CNTLN: variants seen among roughly 807,000 people sequenced by gnomAD.
The protein encoded by CNTLN is centlein, also known as centlein, centrosomal protein.
CNTLN carries 212 observed loss-of-function variants against 180.0 expected under a neutral mutation model. The ratio of observed to expected loss-of-function variants is 1.18; its 90% CI spans 1.05 to 1.32. The LOEUF is 1.32. Ranked by LOEUF, CNTLN falls within the 40% of genes most tolerant of loss-of-function variation. The probability of loss-of-function intolerance (pLI) is 0.00; values close to 1 mark genes in which losing one functional copy is unlikely to be tolerated. For missense variants in CNTLN, 2,095 were observed against 1,610.9 expected, an observed-to-expected ratio of 1.30 and a Z score of -5.14; for synonymous variants, 722 against 563.1, an observed-to-expected ratio of 1.28 and a Z score of -3.99.
intron 18 of CNTLN, among the ~76,000 whole-genome samples, chr9:17,431,106 T>C (rs1829393939): frequency 6.6e-6 from 1 of 152,118 alleles, no homozygotes; most frequent in Non-Finnish European, 1.5e-5. Context: ...GTTCTATTTC[T>C]GGTTTTTTTG....
chr9:17,141,301 A>G (rs957076226), intron 1 of CNTLN, among the ~76,000 whole-genome samples: 2 of 152,226 alleles, frequency 1.3e-5, no homozygotes, highest in Non-Finnish European at 1.5e-5. Flanking sequence ...AAAAATTGTA[A>G]CTGGAAAAGG....
At chr9:17,526,235 T>C in the CNTLN span, among the ~76,000 whole-genome samples, 3 of 152,154 alleles carry the variant, frequency 2.0e-5, no homozygotes, top group East Asian at 1.9e-4. Flanking sequence ...GTGCCCGGCC[T>C]GGACATTTTT....
chr9:17,167,642 T>C (rs1820164408), intron 2 of CNTLN: 1 of 152,172 alleles, frequency 6.6e-6, no homozygotes, highest in African/African-American at 2.4e-5. Flanking sequence ...CAATGAGGTA[T>C]AGCATGTGTA....
downstream of CNTLN, among the ~76,000 whole-genome samples, chr9:17,507,365 T>G (rs1365074233): frequency 6.6e-6 from 1 of 152,184 alleles, no homozygotes; most frequent in East Asian, 1.9e-4. Context: ...TGTATATATC[T>G]TCCACATTTT....
chr9:17,329,623 A>G (rs1563999039), intron 8 of CNTLN, among the ~76,000 whole-genome samples: 1 of 151,984 alleles, frequency 6.6e-6, no homozygotes, highest in Non-Finnish European at 1.5e-5. Flanking sequence ...TACAAATTGC[A>G]GGTTAGAATT....
At chr9:17,151,517 A>G (rs1382707807) in intron 2 of CNTLN, among the ~76,000 whole-genome samples, 1 of 152,212 alleles carries the variant, frequency 6.6e-6, no homozygotes, top group East Asian at 1.9e-4. Context: ...AGCCAACTTC[A>G]TCATGGTGGA....
At chr9:17,368,873 A>C (rs1229339190) in intron 13 of CNTLN, among the ~76,000 whole-genome samples, 1 of 152,188 alleles carries the variant, frequency 6.6e-6, no homozygotes, top group East Asian at 1.9e-4. Flanking sequence ...GGGCTGAATC[A>C]ATCCTACTGC....
chr9:17,137,576 G>C (rs1817806327), intron 1 of CNTLN, among the ~76,000 whole-genome samples: 1 of 152,094 alleles, frequency 6.6e-6, no homozygotes, highest in South Asian at 2.1e-4. Flanking sequence ...TGTGTGGGCT[G>C]ATATTTTTTC....
chr9:17,264,019 T>G lies in CNTLN; in HGVS notation c.850-9714T>G, dbSNP rs574189566. Among the ~76,000 whole-genome samples the G allele has an allele frequency of 5.1e-3, 751 of 146,274 alleles. 11 individuals carry two copies. The highest frequency in any genetic ancestry group is 7.7e-3 in the Admixed American group (113 of 14,770). On this transcript the variant is annotated intron_variant, in intron 5 of 25. Coordinates refer to ENST00000380647, the MANE Select transcript of CNTLN (RefSeq NM_017738.4). Reference sequence around the variant, plus strand: ...GCCTGTTCACTCTGATGATAGTTTCTTTTGCTGTGCAGAAGCTCTTTAGTT... The same window carrying G: ...GCCTGTTCACTCTGATGATAGTTTCGTTTGCTGTGCAGAAGCTCTTTAGTT...
chr9:17,358,194 T>G (rs572584476), intron 12 of CNTLN, among the ~76,000 whole-genome samples: 4 of 152,200 alleles, frequency 2.6e-5, no homozygotes, highest in African/African-American at 9.6e-5. Context: ...AGTTTGGTAA[T>G]AGTGAACAAT....
At chr9:17,212,021 C>T (rs1421836089) in intron 2 of CNTLN, among the ~76,000 whole-genome samples, 1 of 152,152 alleles carries the variant, frequency 6.6e-6, no homozygotes, top group African/African-American at 2.4e-5. Context: ...TTGACTTCCT[C>T]TTTTCCTAAT....
chr9:17,265,520 C>G (rs111356520), intron 5 of CNTLN, among the ~76,000 whole-genome samples: 16 of 152,184 alleles, frequency 1.1e-4, no homozygotes, highest in African/African-American at 3.1e-4. Context: ...TGTTGTGTCT[C>G]TGCCAGGCTT....
rs76260978 is a variant in CNTLN, at chr9:17,292,759, C to T, written c.984-5431C>T. 8.5e-5 allele frequency among the ~76,000 whole-genome samples: 13 copies of T among 152,246 alleles called. No individual in the cohort carries two copies. In the East Asian group the frequency reaches 2.5e-3, roughly 29 times the overall value. On this transcript the variant is annotated intron_variant, in intron 6 of 25. Transcript: ENST00000380647. ...TGGGTTAGAACATGTTCCTTTGGCT[C>T]AGCTAAGTTCATTGTTACCCACCTT...
intron 8 of CNTLN, among the ~76,000 whole-genome samples, chr9:17,315,176 C>T (rs1295308579): frequency 6.6e-6 from 1 of 152,108 alleles, no homozygotes; most frequent in African/African-American, 2.4e-5. Flanking sequence ...GGCATCATCT[C>T]ACAGTGAATT....
chr9:17,262,730 C>G (rs1302936086), intron 5 of CNTLN, among the ~76,000 whole-genome samples: 1 of 151,164 alleles, frequency 6.6e-6, no homozygotes, highest in Non-Finnish European at 1.5e-5. Context: ...TATCTGAGAA[C>G]TTAAAAAAAA....
At chr9:17,362,106 T>C (rs1381244839) in intron 12 of CNTLN, among the ~76,000 whole-genome samples, 1 of 152,186 alleles carries the variant, frequency 6.6e-6, no homozygotes, top group African/African-American at 2.4e-5. Context: ...CTGTGTGTGT[T>C]CTTTCCAAAA....
At chr9:17,418,867 T>A (rs1448533676) in intron 18 of CNTLN, among the ~76,000 whole-genome samples, 1 of 152,088 alleles carries the variant, frequency 6.6e-6, no homozygotes, top group Non-Finnish European at 1.5e-5. Context: ...CTTTTTCATA[T>A]GTAATTAAAG....
intron 6 of CNTLN, among the ~76,000 whole-genome samples, chr9:17,294,314 T>C (rs632313): frequency 0.2 from 30,245 of 151,858 alleles, 3,728 homozygotes; most frequent in African/African-American, 0.34. Context: ...TCCTGCTGAT[T>C]GGTCCATTTT....
At chr9:17,349,177 A>G (rs553530703) in intron 12 of CNTLN, among the ~76,000 whole-genome samples, 7 of 152,104 alleles carry the variant, frequency 4.6e-5, no homozygotes, top group South Asian at 2.1e-4. Context: ...TCAAAGTCTC[A>G]TGTTTGTTTT....
Sources: allele counts gnomAD v4.1 joint callset (sites outside exome capture counted in the v4.1 genomes callset), GRCh38; gene constraint gnomAD v4.1.1; transcripts MANE v1.5; gene names NCBI Gene and HGNC (gene_info 2026-07-23, HGNC 2026-07-21).